The following TANC2 variants were observed in gnomAD, a reference collection of about 807,000 sequenced individuals.
TANC2 encodes the protein protein TANC2.
In TANC2, 26 loss-of-function variants were observed where a neutral mutation model predicts 210.5. The ratio of observed to expected loss-of-function variants is 0.12; its 90% CI spans 0.09 to 0.17. The LOEUF (loss-of-function observed/expected upper bound fraction) is 0.17, where lower values mean the gene tolerates loss of function less well. TANC2 is among the 10% of genes least tolerant of loss of function. TANC2 has a pLI of 1.00. For synonymous variants in TANC2, 931 were observed against 967.1 expected (o/e 0.96, Z 0.69); for missense variants, 2,129 against 2,608.9 (o/e 0.82, Z 4.01).
At chr17:63,183,748 T>G (rs944346495) in intron 5 of TANC2, among the ~76,000 whole-genome samples, 4 of 152,236 alleles carry the variant, frequency 2.6e-5, no homozygotes, top group Non-Finnish European at 5.9e-5. Context: ...CTGGGCGCGG[T>G]GGCTCACGCC....
chr17:63,213,083 T>G (rs368761842), intron 7 of TANC2, among the ~76,000 whole-genome samples: 10 of 152,346 alleles, frequency 6.6e-5, no homozygotes, highest in East Asian at 5.8e-4. Flanking sequence ...TGATTATTTA[T>G]AAAGTCTATG....
chr17:63,121,716 C>T (rs1371461687), intron 4 of TANC2, among the ~76,000 whole-genome samples: 1 of 152,134 alleles, frequency 6.6e-6, no homozygotes, highest in Non-Finnish European at 1.5e-5. Context: ...AATTTGCATA[C>T]CCCAACATAA....
intron 1 of TANC2, among the ~76,000 whole-genome samples, chr17:62,996,685 A>T (rs894384374): frequency 3.3e-5 from 5 of 152,132 alleles, no homozygotes; most frequent in Non-Finnish European, 7.4e-5. Flanking sequence ...CAGTATGATT[A>T]AATACATGCT....
chr17:63,356,421 A>G (rs941533275), intron 14 of TANC2, among the ~76,000 whole-genome samples: 8 of 152,174 alleles, frequency 5.3e-5, no homozygotes, highest in African/African-American at 1.9e-4. Flanking sequence ...AGATTTGACT[A>G]TGCCTCACAT....
At chr17:63,202,096 A>G (rs2041553899) in intron 7 of TANC2, among the ~76,000 whole-genome samples, 1 of 152,140 alleles carries the variant, frequency 6.6e-6, no homozygotes, top group Non-Finnish European at 1.5e-5. Context: ...GGAAGAACAT[A>G]GTTCTGGAGC....
At chr17:63,137,597 A>G (rs1358785475) in intron 4 of TANC2, among the ~76,000 whole-genome samples, 4 of 152,170 alleles carry the variant, frequency 2.6e-5, no homozygotes, top group South Asian at 4.1e-4. Context: ...TCAGGTGACA[A>G]AGATTTGTTT....
At chr17:63,207,196 ATTTC>A (rs1414945718) in intron 7 of TANC2, among the ~76,000 whole-genome samples, 90 of 138,658 alleles carry the variant, frequency 6.5e-4, no homozygotes, top group African/African-American at 2.4e-3. Flanking sequence ...ATTTATGCAA[ATTTC>A]TTTTTTTTTC....
intron 1 of TANC2, among the ~76,000 whole-genome samples, chr17:62,984,921 T>C (rs551799777): frequency 6.6e-6 from 1 of 152,322 alleles, no homozygotes; most frequent in East Asian, 1.9e-4. Context: ...AGAATGTGTA[T>C]TCTGCAGGTG....
intron 3 of TANC2, among the ~76,000 whole-genome samples, chr17:63,085,708 T>C (rs10438776): frequency 0.23 from 34,711 of 152,004 alleles, 4,099 homozygotes; most frequent in Middle Eastern, 0.27. Context: ...TGTATATGTA[T>C]ATTATACATA....
chr17:63,140,472 A>G (rs2039248640), intron 4 of TANC2, among the ~76,000 whole-genome samples: 1 of 152,186 alleles, frequency 6.6e-6, no homozygotes, highest in East Asian at 1.9e-4. Context: ...GACTTTCATC[A>G]TGATTTTTCT....
intron 17 of TANC2, 138 bp downstream of exon 17, chr17:63,389,682 C>T: frequency 1.2e-6 from 1 of 869,284 alleles, no homozygotes; most frequent in Non-Finnish European, 1.8e-6. Context: ...AGAGAGAGTG[C>T]TGGTTCTGCA....
At chr17:63,292,875 A>G (rs1305405182) in intron 9 of TANC2, among the ~76,000 whole-genome samples, 2 of 152,218 alleles carry the variant, frequency 1.3e-5, no homozygotes, top group Non-Finnish European at 2.9e-5. Flanking sequence ...TATCAATAAC[A>G]TAAGCAGCTA....
chr17:63,298,557 A>G (rs1256741814), intron 9 of TANC2, among the ~76,000 whole-genome samples: 1 of 152,168 alleles, frequency 6.6e-6, no homozygotes, highest in African/African-American at 2.4e-5. Flanking sequence ...CTTTAGTAAT[A>G]TAGGGTTTTA....
intron 1 of TANC2, among the ~76,000 whole-genome samples, chr17:63,008,847 G>T: frequency 6.6e-6 from 1 of 150,442 alleles, no homozygotes; most frequent in Non-Finnish European, 1.5e-5. Context: ...GTGTGTGGTG[G>T]TGGGGGGTGG....
chr17:62,976,209 C>A (rs999520180), intron 1 of TANC2, among the ~76,000 whole-genome samples: 52 of 151,930 alleles, frequency 3.4e-4, no homozygotes, highest in Admixed American at 3.4e-3. Flanking sequence ...AATTTTAATC[C>A]TTTCTATAAA....
At chr17:62,999,070 C>G (rs757615952) in intron 1 of TANC2, among the ~76,000 whole-genome samples, 1 of 152,172 alleles carries the variant, frequency 6.6e-6, no homozygotes, top group Non-Finnish European at 1.5e-5. Flanking sequence ...ATCCCCAATG[C>G]TGGAAGTGCG....
chr17:63,093,410 A>G (rs1044682624), intron 3 of TANC2, among the ~76,000 whole-genome samples: 1 of 152,130 alleles, frequency 6.6e-6, no homozygotes, highest in Admixed American at 6.5e-5. Flanking sequence ...CTTTGTCACA[A>G]ATTAGTTGGC....
At chr17:63,301,448 A>G (rs960525389) in intron 9 of TANC2, among the ~76,000 whole-genome samples, 1 of 152,104 alleles carries the variant, frequency 6.6e-6, no homozygotes, top group Non-Finnish European at 1.5e-5. Flanking sequence ...TATTACCTCA[A>G]TTTCAGAACT....
intron 7 of TANC2, among the ~76,000 whole-genome samples, chr17:63,212,239 A>G (rs1236641314): frequency 6.6e-6 from 1 of 152,128 alleles, no homozygotes; most frequent in South Asian, 2.1e-4. Context: ...ACTTTATTGG[A>G]TTTTGAATGA....
Sources: gnomAD v4.1 joint callset for allele counts (sites outside exome capture counted in the v4.1 genomes callset) on GRCh38, gnomAD v4.1.1 for gene constraint, MANE v1.5 for transcripts, NCBI Gene and HGNC (gene_info 2026-07-23, HGNC 2026-07-21) for gene names.